Variants in PCNT observed in about 807,000 individuals in gnomAD.
PCNT encodes the protein pericentrin.
PCNT carries 319 observed loss-of-function variants against 380.4 expected under a neutral mutation model. The observed-to-expected ratio is 0.84, with a 90% CI of 0.77 to 0.92. The LOEUF is 0.92. PCNT is among the 40% of genes least tolerant of loss of function. The pLI is 0.00. For missense variants in PCNT, 4,400 were observed against 4,255.3 expected (o/e 1.03, Z -0.95); for synonymous variants, 1,845 against 1,735.2 (o/e 1.06, Z -1.57).
chr21:46,402,869 G>A (rs940682452), intron 27 of PCNT, among the ~76,000 whole-genome samples: 1 of 152,068 alleles, frequency 6.6e-6, no homozygotes, highest in Non-Finnish European at 1.5e-5. Flanking sequence ...TCTTCCCACT[G>A]GCATGATGGG....
intron 21 of PCNT, among the ~76,000 whole-genome samples, chr21:46,392,306 G>A (rs1000151669): frequency 2.0e-5 from 3 of 151,862 alleles, no homozygotes; most frequent in South Asian, 2.1e-4. Flanking sequence ...TGCAACCTCC[G>A]CCTCCTGGGT....
chr21:46,433,148 A>G lies in PCNT; in HGVS notation c.8751+933A>G, dbSNP rs560697679. 3.8e-3 allele frequency among the ~76,000 whole-genome samples: 572 copies of G among 152,248 alleles called. 2 individuals carry two copies. Among genetic ancestry groups the G allele is most frequent in the Non-Finnish European group, 7.2e-3 (493 of 68,010 alleles). ...TGTAATCCCAGCACTTTGGGAGGCC[A>G]AGGCAGGCAGATCATTTGAGGTCAG... On this transcript the variant is annotated intron_variant, in intron 38 of 46. Coordinates refer to ENST00000359568, the MANE Select transcript of PCNT (RefSeq NM_006031.6).
chr21:46,400,917 C>A (rs1036841708), intron 25 of PCNT, among the ~76,000 whole-genome samples: 1 of 152,194 alleles, frequency 6.6e-6, no homozygotes, highest in Non-Finnish European at 1.5e-5. Flanking sequence ...CAGGGAGGAC[C>A]GCTGAGCATC....
intron 15 of PCNT, among the ~76,000 whole-genome samples, chr21:46,376,256 A>C (rs1044546606): frequency 3.9e-5 from 6 of 152,292 alleles, no homozygotes; most frequent in African/African-American, 1.4e-4. Flanking sequence ...GTTGGCCTCA[A>C]ACAGAAGTTT....
chr21:46,438,423 CT>C, intron 41 of PCNT, 86 bp downstream of exon 41: 1 of 1,219,116 alleles, frequency 8.2e-7, no homozygotes, highest in Non-Finnish European at 1.2e-6. Context: ...GCCGGGCTCC[CT>C]TTAGGGACCT....
At position 46,444,837 on chromosome 21, in the gene PCNT, G is replaced by A. The variant is rs751788259; in HGVS notation, c.9967+16G>A. 45 of 1,611,578 alleles carry A rather than the reference G, an allele frequency of 2.8e-5. No homozygotes were observed. The highest frequency in any genetic ancestry group is 3.7e-5 in the Non-Finnish European group (43 of 1,177,900). ...GTACTACCAGGTAATGCAAGTCCTCGCCGAGTATTTATTAAGCTGATTATC... is the reference window on the plus strand; with the variant it reads ...GTACTACCAGGTAATGCAAGTCCTCACCGAGTATTTATTAAGCTGATTATC... On this transcript the variant is annotated intron_variant, in intron 46 of 46. Coordinates refer to ENST00000359568, the MANE Select transcript of PCNT (RefSeq NM_006031.6).
intron 39 of PCNT, among the ~76,000 whole-genome samples, 170 bp from the exon 40 acceptor site, chr21:46,436,809 C>T (rs1242230279): frequency 1.3e-5 from 2 of 152,216 alleles, no homozygotes; most frequent in African/African-American, 4.8e-5. Context: ...AGCCACAGGC[C>T]TGTTGCCCCC....
chr21:46,397,120 T>C, intron 21 of PCNT, 145 bp from the exon 22 acceptor site: 1 of 708,752 alleles, frequency 1.4e-6, no homozygotes, highest in South Asian at 1.5e-5. Flanking sequence ...CCAATGTTGT[T>C]TTAAAAGATG....
Position 46,391,146 on chromosome 21 carries a change from T to C in PCNT, c.4004-18T>C, listed in dbSNP as rs1381001871. Reference sequence around the variant, plus strand: ...ACCCAGGACTGGCTTTGTCAGAGCATCTGTGTCTCCCACAAAGGTACCCTT... The same window carrying C: ...ACCCAGGACTGGCTTTGTCAGAGCACCTGTGTCTCCCACAAAGGTACCCTT... On this transcript the variant is annotated intron_variant, in intron 20 of 46. Coordinates refer to ENST00000359568, the MANE Select transcript of PCNT (RefSeq NM_006031.6). The C allele has an allele frequency of 1.3e-6, 2 of 1,562,140 alleles. No individual in the cohort carries two copies. The highest frequency in any genetic ancestry group is 1.7e-4 in the Middle Eastern group (1 of 6,014).
At chr21:46,378,759 A>G (rs578052144) in intron 15 of PCNT, among the ~76,000 whole-genome samples, 14 of 152,368 alleles carry the variant, frequency 9.2e-5, no homozygotes, top group Non-Finnish European at 1.9e-4. Flanking sequence ...CCTTCTAACA[A>G]TCTGGTTTGG....
In PCNT at chr21:46,349,560, G is replaced by T. The variant is rs2084193273; in HGVS notation, c.1208-124G>T. The T allele has an allele frequency of 3.9e-6, 4 of 1,023,076 alleles. No individual in the cohort carries two copies. The South Asian group carries it at 5.1e-5, about 13-fold the overall frequency. The allele number at this position is 1,023,076 out of a possible 1,614,324, so 63.4% of individuals were successfully genotyped here. A position where few individuals can be genotyped will look rare whatever the true frequency, so the allele number is the denominator to read the frequency against. Reference sequence around the variant, plus strand: ...CAGGCATGTGAGGCTCAAACGAGGGGCCCGGGGGCGCCCAGGATGGGGCTC... The same window carrying T: ...CAGGCATGTGAGGCTCAAACGAGGGTCCCGGGGGCGCCCAGGATGGGGCTC... On this transcript the variant is annotated intron_variant, in intron 7 of 46. Transcript: ENST00000359568.
At position 46,349,043 on chromosome 21, in the gene PCNT, A is replaced by G. The variant is rs753659648; in HGVS notation, c.1064A>G (p.Asp355Gly). ...AAGGAAGATTGGGAATCTGAAAAAG[A>G]TTTATGTTTAGAAAATCTACGCAAA... The part of the protein sequence containing the change: ...TLKEDWESEK[D>G]LCLENLRKEL... The change falls in exon 7 of 47, where the codon GAT becomes GGT. Residue 355 changes from aspartate to glycine, a missense_variant. Physicochemically the swap from Asp to Gly is moderately conservative, Grantham distance 94 (BLOSUM62 -1). Transcript: ENST00000359568. 7 of 1,605,376 alleles carry G rather than the reference A, an allele frequency of 4.4e-6. No homozygotes were observed. The Middle Eastern group carries it at 4.9e-4, about 113-fold the overall frequency.
chr21:46,386,656 T>C (rs1204973536), intron 17 of PCNT, among the ~76,000 whole-genome samples: 1 of 152,256 alleles, frequency 6.6e-6, no homozygotes, highest in African/African-American at 2.4e-5. Context: ...TCCAGCAGGC[T>C]TGTCTGCCCT....
intron 25 of PCNT, 57 bp downstream of exon 25, chr21:46,399,853 T>G (rs1483369340): frequency 6.9e-7 from 1 of 1,447,876 alleles, no homozygotes. Context: ...CAGGCATGGC[T>G]TCATCGCTGA....
At position 46,411,698 on chromosome 21, in the gene PCNT, A is replaced by G. The variant is rs767672461; in HGVS notation, c.5625A>G (p.Leu1875=). The change falls in exon 28 of 47, where the codon TTA becomes TTG. Residue 1875 remains leucine (L), a synonymous_variant. Coordinates refer to ENST00000359568, the MANE Select transcript of PCNT (RefSeq NM_006031.6). Reference sequence around the variant, plus strand: ...AAGCGACGATTGCCGAGAGAAATTTAGAAATCGACGCTCTGAACCAGCGGA... The same window carrying G: ...AAGCGACGATTGCCGAGAGAAATTTGGAAATCGACGCTCTGAACCAGCGGA... The part of the protein sequence containing the change: ...AKEATIAERN[L]EIDALNQRKA... 1 of 1,612,824 alleles carries G rather than the reference A, an allele frequency of 6.2e-7. No individual in the cohort carries two copies. Among genetic ancestry groups the G allele is most frequent in the South Asian group, 1.1e-5 (1 of 91,088 alleles).
chr21:46,387,721 A>C (rs550382002), intron 17 of PCNT, among the ~76,000 whole-genome samples: 2 of 152,178 alleles, frequency 1.3e-5, no homozygotes, highest in African/African-American at 4.8e-5. Flanking sequence ...CACGGTCCCC[A>C]CGAATGAGTC....
intron 2 of PCNT, among the ~76,000 whole-genome samples, chr21:46,333,507 T>C (rs571574238): frequency 7.2e-4 from 109 of 151,628 alleles, no homozygotes; most frequent in African/African-American, 2.5e-3. Context: ...CTCGGGAGGC[T>C]GAGGCAGGAG....
Position 46,411,705 on chromosome 21 carries a change from G to T in PCNT, c.5632G>T (p.Asp1878Tyr), listed in dbSNP as rs756428673. The T allele has an allele frequency of 6.2e-7, 1 of 1,612,766 alleles. No individual in the cohort carries two copies. Among genetic ancestry groups the T allele is most frequent in the South Asian group, 1.1e-5 (1 of 91,088 alleles). The stretch of plus-strand genomic sequence containing the variant: ...GATTGCCGAGAGAAATTTAGAAATC[G>T]ACGCTCTGAACCAGCGGAAGGCGGC... The part of the protein sequence containing the change: ...ATIAERNLEI[D>Y]ALNQRKAAHS... Residue 1878 changes from aspartate to tyrosine, a missense_variant, in exon 28 of 47, where the codon GAC (aspartate) becomes TAC (tyrosine). Asp to Tyr is a radical substitution (Grantham distance 160, BLOSUM62 -3). Coordinates refer to ENST00000359568, the MANE Select transcript of PCNT (RefSeq NM_006031.6).
intron 18 of PCNT, 35 bp from the exon 19 acceptor site, chr21:46,389,164 T>C (rs1413668801): frequency 6.3e-7 from 1 of 1,593,280 alleles, no homozygotes; most frequent in Non-Finnish European, 8.6e-7. Context: ...GCTTGCTCAC[T>C]GAGCCGCGTG....
Sources: allele counts gnomAD v4.1 joint callset (sites outside exome capture counted in the v4.1 genomes callset), GRCh38; gene constraint gnomAD v4.1.1; transcripts MANE v1.5; gene names NCBI Gene and HGNC (gene_info 2026-07-23, HGNC 2026-07-21).